Variants in TUBA3C observed in about 807,000 individuals in gnomAD.
TUBA3C encodes the protein tubulin alpha-3C chain.
A neutral mutation model predicts 33.4 loss-of-function variants in TUBA3C; 23 were observed. The ratio of observed to expected loss-of-function variants is 0.69; its 90% CI spans 0.50 to 0.98. The LOEUF is 0.98. TUBA3C is among the 50% of genes least tolerant of loss of function. TUBA3C has a pLI of 0.00. For missense variants in TUBA3C, 402 were observed against 616.0 expected (o/e 0.65, Z 3.68); for synonymous variants, 269 against 250.4 (o/e 1.07, Z -0.70).
At position 19,179,543 on chromosome 13, in the gene TUBA3C, G is replaced by C; in HGVS notation, c.24C>G (p.His8Gln). The C allele has an allele frequency of 6.2e-7, 1 of 1,614,182 alleles. No individual in the cohort carries two copies. Among genetic ancestry groups the C allele is most frequent in the Non-Finnish European group, 8.5e-7 (1 of 1,180,022 alleles). Residue 8 changes from histidine (H) to glutamine (Q), a missense_variant, in exon 2 of 5, where the codon CAC becomes CAG. Coordinates refer to ENST00000400113, the MANE Select transcript of TUBA3C (RefSeq NM_006001.3). The stretch of plus-strand genomic sequence containing the variant: ...CGATCTGGACTCCTGCCTGCCCCAC[G>C]TGGATAGAGATACACTCACGCTGTG... MRECISIHVGQAGVQIGN... is the reference protein window; with the variant it reads MRECISIQVGQAGVQIGN...
At position 19,173,773 on chromosome 13, in the gene TUBA3C, T is replaced by C; in HGVS notation, c.*90A>G. 1 of 1,532,476 alleles carries C rather than the reference T, an allele frequency of 6.5e-7. No individual in the cohort carries two copies. The highest frequency in any genetic ancestry group is 8.8e-7 in the Non-Finnish European group (1 of 1,137,690). The allele number at this position is 1,532,476 out of a possible 1,614,324, so 94.9% of individuals were successfully genotyped here. The stretch of plus-strand genomic sequence containing the variant: ...TAGGCAGTACGATACACAGAGGTCT[T>C]GGTTTTATACAGAACCTTTAATTGC... On this transcript the variant is annotated 3_prime_UTR_variant, in exon 5 of 5. Coordinates refer to ENST00000400113, the MANE Select transcript of TUBA3C (RefSeq NM_006001.3).
Position 19,173,851 on chromosome 13 carries a change from C to A in TUBA3C, c.*12G>T. On this transcript the variant is annotated 3_prime_UTR_variant, in exon 5 of 5. Transcript: ENST00000400113. Reference sequence around the variant, plus strand: ...GGTGGCAGTGGAGTGGAGAACCCACCACACCCTCCCCTCAGTATTCTTCAC... The same window carrying A: ...GGTGGCAGTGGAGTGGAGAACCCACAACACCCTCCCCTCAGTATTCTTCAC... The A allele has an allele frequency of 6.2e-7, 1 of 1,605,520 alleles. No homozygotes were observed. Among genetic ancestry groups the A allele is most frequent in the Non-Finnish European group, 8.5e-7 (1 of 1,175,064 alleles).
chr13:19,176,739 A>AAAAAAAAAAAAAAAAAAC (rs1869193189), intron 4 of TUBA3C, among the ~76,000 whole-genome samples, 188 bp downstream of exon 4: 1 of 125,318 alleles, frequency 8.0e-6, no homozygotes, highest in African/African-American at 3.9e-5. Context: ...AAAAAAAAAA[A>AAAAAAAAAAAAAAAAAAC]AAAAAAAAAA....
In TUBA3C at chr13:19,178,065, T is replaced by G. The variant is rs574941834; in HGVS notation, c.375+181A>C. 3.9e-5 allele frequency among the ~76,000 whole-genome samples: 6 copies of G among 152,266 alleles called. No individual in the cohort carries two copies. In the East Asian group the frequency reaches 1.2e-3, roughly 29 times the overall value. ...TTTCACCACGTTGGCCAGGCTGGTC[T>G]CAAACTCTTGACTTCAGGTGACTGC... is the stretch of plus-strand genomic sequence containing the variant. On this transcript the variant is annotated intron_variant, in intron 3 of 4. Transcript: ENST00000400113.
At chr13:19,181,056 C>G (rs532848677) in intron 1 of TUBA3C, among the ~76,000 whole-genome samples, 1 of 139,988 alleles carries the variant, frequency 7.1e-6, no homozygotes, top group South Asian at 2.3e-4. Flanking sequence ...GCGTTGGTTG[C>G]TTTTTTTTTT....
intron 4 of TUBA3C, among the ~76,000 whole-genome samples, 193 bp downstream of exon 4, chr13:19,176,725 CAAAAAAAAA>C (rs55746544): frequency 0.012 from 416 of 34,568 alleles, 5 homozygotes; most frequent in Non-Finnish European, 0.019. Context: ...GACTCTGCCT[CAAAAAAAAA>C]AAAAAAAAAA....
At position 19,176,949 on chromosome 13, in the gene TUBA3C, T is replaced by C; in HGVS notation, c.1034A>G (p.Asp345Gly). 1 of 1,613,754 alleles carries C rather than the reference T, an allele frequency of 6.2e-7. No individual in the cohort carries two copies. The highest frequency in any genetic ancestry group is 8.5e-7 in the Non-Finnish European group (1 of 1,179,872). Reference protein sequence around the residue: ...IKTKRTIQFVDWCPTGFKVGI... With the variant: ...IKTKRTIQFVGWCPTGFKVGI... The stretch of plus-strand genomic sequence containing the variant: ...TACCTTAAATCCAGTTGGGCACCAA[T>C]CTACAAACTGGATGGTGCGCTTGGT... The change falls in exon 4 of 5, where the codon GAT becomes GGT. Residue 345 changes from aspartate (D) to glycine (G), a missense_variant. By Grantham distance (94) the Asp-to-Gly change is moderately conservative (BLOSUM62 -1). Coordinates refer to ENST00000400113, the MANE Select transcript of TUBA3C (RefSeq NM_006001.3).
In TUBA3C at chr13:19,181,728, G is replaced by A; in HGVS notation, c.3+17C>T. The A allele has an allele frequency of 6.2e-7, 1 of 1,602,026 alleles. No homozygotes were observed. Among genetic ancestry groups the A allele is most frequent in the Non-Finnish European group, 8.5e-7 (1 of 1,179,908 alleles). ...TCCAGCCTGGGCGTCTGCGGGGTGG[G>A]AGTGACCTGGCCTTACCATGTTGAG... On this transcript the variant is annotated intron_variant, in intron 1 of 4. Transcript: ENST00000400113.
chr13:19,180,046 C>T (rs1171618507), intron 1 of TUBA3C, among the ~76,000 whole-genome samples: 1 of 152,160 alleles, frequency 6.6e-6, no homozygotes, highest in Non-Finnish European at 1.5e-5. Context: ...CATCATTCAC[C>T]ACCCGCCCTG....
chr13:19,177,648 C>A lies in TUBA3C; in HGVS notation c.376-41G>T. On this transcript the variant is annotated intron_variant, in intron 3 of 4. Transcript: ENST00000400113. The surrounding 1 kb of genome is among the most constrained non-coding windows in gnomAD (Gnocchi z 5.0). ...CAACATGAATCAATGCCCGTGGAAG[C>A]CACACCACCAACCTCCACCAAGCCA... The A allele has an allele frequency of 6.5e-7, 1 of 1,532,020 alleles. No individual in the cohort carries two copies. The allele number at this position is 1,532,020 out of a possible 1,614,324, so 94.9% of individuals were successfully genotyped here.
In TUBA3C at chr13:19,181,355, C is replaced by T. The variant is rs1054693267; in HGVS notation, c.3+390G>A. Among the ~76,000 whole-genome samples, 11 of 152,158 alleles carry T rather than the reference C, an allele frequency of 7.2e-5. No homozygotes were observed. The South Asian group carries it at 1.9e-3, about 26-fold the overall frequency. On this transcript the variant is annotated intron_variant, in intron 1 of 4. Transcript: ENST00000400113. ...TCTGACCAATGTCCACAGCCCTTGC[C>T]TCCATCAACAAGGCTCCTGGGGCTC...
intron 4 of TUBA3C, among the ~76,000 whole-genome samples, chr13:19,175,590 A>T (rs1869150734): frequency 6.6e-6 from 1 of 152,180 alleles, no homozygotes. Context: ...GGGTTAGCAC[A>T]GCTGCTGGAC....
chr13:19,173,923 A>G lies in TUBA3C; in HGVS notation c.1293T>C (p.Asp431=), dbSNP rs745355499. ...AREDLAALEK[D]YEEVGVDSVE... is the part of the protein sequence containing the mutation. ...CGGAATCCACGCCCACCTCTTCATA[A>G]TCCTTCTCCAGAGCTGCCAGGTCCT... The change falls in exon 5 of 5, where the codon GAT becomes GAC. Residue 431 remains aspartate (D), a synonymous_variant. Transcript: ENST00000400113. The G allele has an allele frequency of 6.2e-7, 1 of 1,613,810 alleles. No homozygotes were observed. The highest frequency in any genetic ancestry group is 8.5e-7 in the Non-Finnish European group (1 of 1,179,986).
Position 19,174,130 on chromosome 13 carries a change from C to A in TUBA3C, c.1086G>T (p.Val362=). 4 of 1,613,342 alleles carry A rather than the reference C, an allele frequency of 2.5e-6. No individual in the cohort carries two copies. Among genetic ancestry groups the A allele is most frequent in the Non-Finnish European group, 3.4e-6 (4 of 1,179,574 alleles). The change falls in exon 5 of 5, where the codon GTG becomes GTT. Residue 362 remains valine, a synonymous_variant. Coordinates refer to ENST00000400113, the MANE Select transcript of TUBA3C (RefSeq NM_006001.3). ...CCTTGGCCAGGTCTCCCCCAGGGAC[C>A]ACCGTGGGGGGCTGGTAGTTAATGC... is the stretch of plus-strand genomic sequence containing the variant. ...KVGINYQPPT[V]VPGGDLAKVQ... is the part of the protein sequence containing the mutation.
rs1377606600 is a variant in TUBA3C, at chr13:19,177,447, G to A, written c.536C>T (p.Thr179Met). Residue 179 changes from threonine (T) to methionine (M), a missense_variant, in exon 4 of 5, where the codon ACG becomes ATG. By Grantham distance (81) the Thr-to-Met change is moderately conservative (BLOSUM62 -1). Transcript: ENST00000400113. The surrounding 1 kb of genome is among the most constrained non-coding windows in gnomAD (Gnocchi z 5.0). The part of the protein sequence containing the change: ...FAIYPAPQVS[T>M]AVVEPYNSIL... ...GGAGTTGTAGGGCTCCACCACGGCC[G>A]TGGAGACCTGGGGGGCTGGGTAAAT... 1 of 1,614,034 alleles carries A rather than the reference G, an allele frequency of 6.2e-7. No homozygotes were observed. The highest frequency in any genetic ancestry group is 8.5e-7 in the Non-Finnish European group (1 of 1,180,040).
chr13:19,176,611 G>C (rs1305361350), intron 4 of TUBA3C, among the ~76,000 whole-genome samples: 1 of 151,172 alleles, frequency 6.6e-6, no homozygotes, highest in East Asian at 1.9e-4. Context: ...AAAATTAACT[G>C]GGTGTGGTGG....
intron 1 of TUBA3C, among the ~76,000 whole-genome samples, chr13:19,180,961 CAAAAAAA>C (rs532243124): frequency 4.9e-5 from 4 of 82,116 alleles, no homozygotes; most frequent in African/African-American, 1.6e-4. Context: ...TGAGCCGTTT[CAAAAAAA>C]AAAAAAAAAA....
intron 4 of TUBA3C, among the ~76,000 whole-genome samples, chr13:19,175,709 G>C (rs773955002): frequency 6.6e-6 from 1 of 152,172 alleles, no homozygotes; most frequent in East Asian, 1.9e-4. Flanking sequence ...GACAGAGGTC[G>C]TGTAACCTGT....
At position 19,179,381 on chromosome 13, in the gene TUBA3C, C is replaced by T. The variant is rs570564165; in HGVS notation, c.186G>A (p.Val62=). 2 of 1,613,882 alleles carry T rather than the reference C, an allele frequency of 1.2e-6. No homozygotes were observed. Among genetic ancestry groups the T allele is most frequent in the African/African-American group, 1.3e-5 (1 of 74,928 alleles). Residue 62 remains valine, a synonymous_variant, in exon 2 of 5, where the codon GTG becomes GTA. Transcript: ENST00000400113. ...CCAGGTCCACAAACACTGCTCTGGG[C>T]ACGTGCTTGCCAGCTCCAGTCTCAC... ...FFSETGAGKH[V]PRAVFVDLEP... is the part of the protein sequence containing the mutation.
Sources: gnomAD v4.1 joint callset for allele counts (sites outside exome capture counted in the v4.1 genomes callset) on GRCh38, gnomAD v4.1.1 for gene constraint, Gnocchi (gnomAD v3.1) non-coding constraint, MANE v1.5 for transcripts, NCBI Gene and HGNC (gene_info 2026-07-23, HGNC 2026-07-21) for gene names.